The following TBC1D22A variants were observed in gnomAD, a reference collection of about 807,000 sequenced individuals.
TBC1D22A encodes the protein TBC1 domain family member 22A.
A neutral mutation model predicts 60.2 loss-of-function variants in TBC1D22A; 38 were observed. The observed-to-expected ratio is 0.63, with a 90% CI of 0.49 to 0.83. TBC1D22A has a LOEUF of 0.83. Ranked by LOEUF, TBC1D22A falls within the 40% of genes least tolerant of loss-of-function variation. TBC1D22A has a pLI of 0.00. For synonymous variants in TBC1D22A, 302 were observed against 281.7 expected (o/e 1.07, Z -0.72); for missense variants, 628 against 701.0 (o/e 0.90, Z 1.18).
At chr22:47,118,006 C>T (rs1168461762) in intron 12 of TBC1D22A, among the ~76,000 whole-genome samples, 1 of 151,820 alleles carries the variant, frequency 6.6e-6, no homozygotes, top group Non-Finnish European at 1.5e-5. Context: ...GCCTATAATC[C>T]CAGCTACTGG....
chr22:47,055,618 A>G (rs2148456647), intron 11 of TBC1D22A, among the ~76,000 whole-genome samples: 1 of 152,228 alleles, frequency 6.6e-6, no homozygotes, highest in East Asian at 1.9e-4. Flanking sequence ...GAATCTCAGC[A>G]CTAGGTAGGT....
intron 4 of TBC1D22A, among the ~76,000 whole-genome samples, chr22:46,801,964 C>G (rs1358011485): frequency 6.6e-6 from 1 of 152,242 alleles, no homozygotes; most frequent in African/African-American, 2.4e-5. Context: ...GTCCGTGGCT[C>G]TAGGGCAGCC....
intron 11 of TBC1D22A, among the ~76,000 whole-genome samples, chr22:47,077,287 T>C (rs2064265046): frequency 6.6e-6 from 1 of 152,192 alleles, no homozygotes; most frequent in Non-Finnish European, 1.5e-5. Context: ...AGACATCTTT[T>C]CCTCTTTCCC....
At chr22:47,037,872 T>C (rs1188291939) in intron 11 of TBC1D22A, among the ~76,000 whole-genome samples, 2 of 152,212 alleles carry the variant, frequency 1.3e-5, no homozygotes, top group Non-Finnish European at 2.9e-5. Context: ...AAACTCACGC[T>C]CAGGACTCAC....
In TBC1D22A at chr22:46,902,839, G is replaced by A. The variant is rs140646605; in HGVS notation, c.900+7993G>A. ...GAAGACTCAGATGTCTCTGTCCTCA[G>A]CAGCGCACAGTTGAAGTGAGGGATG... On this transcript the variant is annotated intron_variant, in intron 7 of 12. Coordinates refer to ENST00000337137, the MANE Select transcript of TBC1D22A (RefSeq NM_014346.5). Among the ~76,000 whole-genome samples the A allele has an allele frequency of 5.5e-3, 841 of 152,388 alleles. 11 individuals are homozygous for A. The highest frequency in any genetic ancestry group is 0.019 in the African/African-American group (803 of 41,594).
At chr22:46,825,257 G>T (rs1209555333) in intron 4 of TBC1D22A, among the ~76,000 whole-genome samples, 2 of 152,014 alleles carry the variant, frequency 1.3e-5, no homozygotes, top group African/African-American at 4.8e-5. Flanking sequence ...TTTCTTAGAG[G>T]TGCCTTTTTC....
chr22:47,127,681 G>A (rs755059197), intron 12 of TBC1D22A, among the ~76,000 whole-genome samples: 11 of 152,044 alleles, frequency 7.2e-5, no homozygotes, highest in Non-Finnish European at 1.3e-4. Context: ...CATCCGCCTC[G>A]TCATTGTTCA....
At chr22:47,137,163 A>G (rs985373524) in intron 12 of TBC1D22A, among the ~76,000 whole-genome samples, 8 of 152,124 alleles carry the variant, frequency 5.3e-5, no homozygotes, top group Non-Finnish European at 1.2e-4. Flanking sequence ...CGTTACCCTA[A>G]TTAGTTTGAG....
At chr22:46,774,196 G>C (rs2146736167) in intron 1 of TBC1D22A, 1 of 985,556 alleles carries the variant, frequency 1.0e-6, no homozygotes, top group Non-Finnish European at 1.2e-6. Context: ...GGGAAAACCA[G>C]GCTTGCTGTG....
intron 12 of TBC1D22A, among the ~76,000 whole-genome samples, chr22:47,140,710 C>T (rs2067051603): frequency 6.6e-6 from 1 of 152,202 alleles, no homozygotes; most frequent in South Asian, 2.1e-4. Context: ...TTCTGCAGGC[C>T]CTGAAAGCCT....
rs776425047 is a variant in TBC1D22A at position 47,107,905 on chromosome 22, TA to T, written c.1330-3599del. Among the ~76,000 whole-genome samples the T allele has an allele frequency of 2.0e-5, 3 of 152,218 alleles. No individual in the cohort carries two copies. The East Asian group carries it at 5.8e-4, about 29-fold the overall frequency. On this transcript the variant is annotated intron_variant, in intron 11 of 12. Coordinates refer to ENST00000337137, the MANE Select transcript of TBC1D22A (RefSeq NM_014346.5). ...CTCAAAATGGATTATAGATCTAAAG[TA>T]AAACTTTATAAACCTTCTAGAAGAA... is the stretch of plus-strand genomic sequence containing the variant.
chr22:46,902,566 C>G, intron 7 of TBC1D22A, among the ~76,000 whole-genome samples: 1 of 152,214 alleles, frequency 6.6e-6, no homozygotes, highest in East Asian at 1.9e-4. Flanking sequence ...ACCACTTAAG[C>G]GACAGCTCAC....
At chr22:46,857,343 C>G (rs2087620493) in intron 4 of TBC1D22A, among the ~76,000 whole-genome samples, 1 of 152,224 alleles carries the variant, frequency 6.6e-6, no homozygotes, top group East Asian at 1.9e-4. Context: ...CCCTCCTCAG[C>G]CCTGACCCAA....
intron 9 of TBC1D22A, among the ~76,000 whole-genome samples, chr22:46,991,776 G>A (rs2074950028): frequency 6.6e-6 from 1 of 152,170 alleles, no homozygotes; most frequent in African/African-American, 2.4e-5. Context: ...TGGCCTTCCA[G>A]CCTCGGAACG....
At chr22:46,814,873 C>T (rs914085279) in intron 4 of TBC1D22A, among the ~76,000 whole-genome samples, 2 of 150,698 alleles carry the variant, frequency 1.3e-5, no homozygotes, top group African/African-American at 4.9e-5. Context: ...ATGCTGGTCT[C>T]GAACCCCTGA....
At chr22:46,977,234 G>A (rs746564694) in intron 9 of TBC1D22A, among the ~76,000 whole-genome samples, 7 of 152,178 alleles carry the variant, frequency 4.6e-5, no homozygotes, top group Admixed American at 1.3e-4. Flanking sequence ...TTTACCTTTG[G>A]ATGTCCTGGA....
At chr22:47,118,880 G>A (rs1258061685) in intron 12 of TBC1D22A, among the ~76,000 whole-genome samples, 3 of 152,160 alleles carry the variant, frequency 2.0e-5, no homozygotes, top group East Asian at 1.9e-4. Context: ...GGCCAGGTGC[G>A]GTGGCTCACG....
chr22:46,966,093 T>C (rs1329833284), intron 8 of TBC1D22A, among the ~76,000 whole-genome samples: 2 of 152,204 alleles, frequency 1.3e-5, no homozygotes, highest in Non-Finnish European at 2.9e-5. Flanking sequence ...CTCTGGGGCC[T>C]CCGCATCACG....
intron 8 of TBC1D22A, among the ~76,000 whole-genome samples, chr22:46,925,077 T>G (rs2070974114): frequency 6.6e-6 from 1 of 152,234 alleles, no homozygotes; most frequent in Non-Finnish European, 1.5e-5. Flanking sequence ...AGTTTCTCAT[T>G]GATAAGTTGT....
Sources: allele counts gnomAD v4.1 joint callset (sites outside exome capture counted in the v4.1 genomes callset), GRCh38; gene constraint gnomAD v4.1.1; transcripts MANE v1.5; gene names NCBI Gene and HGNC (gene_info 2026-07-23, HGNC 2026-07-21).